Variants in PCSK6 observed in about 807,000 individuals in gnomAD.
The protein encoded by PCSK6 is paired basic amino acid cleaving enzyme 4.
In PCSK6, 85 loss-of-function variants were observed where a neutral mutation model predicts 123.3. That is an observed-to-expected ratio of 0.69 (90% confidence interval 0.58 to 0.83). The LOEUF (loss-of-function observed/expected upper bound fraction) is 0.83. Among genes scored for constraint, PCSK6 ranks in the 40% least tolerant of loss-of-function variants. The pLI is 0.00. For synonymous variants in PCSK6, 508 were observed against 516.0 expected, an observed-to-expected ratio of 0.98 and a Z score of 0.21; for missense variants, 1,191 against 1,282.3, an observed-to-expected ratio of 0.93 and a Z score of 1.09.
At chr15:101,338,906 T>C (rs1366736699) in intron 13 of PCSK6, among the ~76,000 whole-genome samples, 1 of 152,232 alleles carries the variant, frequency 6.6e-6, no homozygotes, top group African/African-American at 2.4e-5. Flanking sequence ...CAACTGAGGC[T>C]GCCAGTAAAT....
chr15:101,476,607 C>T (rs1448386544), intron 1 of PCSK6, among the ~76,000 whole-genome samples: 5 of 150,008 alleles, frequency 3.3e-5, no homozygotes, highest in Non-Finnish European at 5.9e-5. Flanking sequence ...TGTATATGCG[C>T]ACGTATCTGT....
intron 6 of PCSK6, among the ~76,000 whole-genome samples, chr15:101,411,806 T>A (rs1355430464): frequency 6.6e-6 from 1 of 152,166 alleles, no homozygotes; most frequent in Non-Finnish European, 1.5e-5. Flanking sequence ...CTGGGGCATG[T>A]CAGGAAACAG....
Position 101,319,187 on chromosome 15 carries a change from C to T in PCSK6, c.2466-765G>A, listed in dbSNP as rs548951086. The stretch of plus-strand genomic sequence containing the variant: ...GCTTGGAGGACTCAATGAGCTAATA[C>T]CCATAAACATTTCAGTGTCTGGCAC... On this transcript the variant is annotated intron_variant, in intron 18 of 21. Transcript: ENST00000611716. Among the ~76,000 whole-genome samples, 23 of 152,318 alleles carry T rather than the reference C, an allele frequency of 1.5e-4. 1 individual carries two copies. The South Asian group carries it at 3.7e-3, about 25-fold the overall frequency.
At chr15:101,439,348 GCTGT>G (rs1427758080) in intron 2 of PCSK6, among the ~76,000 whole-genome samples, 1 of 152,248 alleles carries the variant, frequency 6.6e-6, no homozygotes, top group Non-Finnish European at 1.5e-5. Context: ...AGAATAAAAT[GCTGT>G]CTTTTAAGGT....
At chr15:101,317,204 G>A (rs377664384) in intron 19 of PCSK6, among the ~76,000 whole-genome samples, 75 of 152,264 alleles carry the variant, frequency 4.9e-4, no homozygotes, top group Non-Finnish European at 9.3e-4. Flanking sequence ...GAACCACTGT[G>A]CCCGGCCAGT....
chr15:101,400,074 A>G (rs2042541207), intron 6 of PCSK6, among the ~76,000 whole-genome samples: 1 of 152,086 alleles, frequency 6.6e-6, no homozygotes, highest in Non-Finnish European at 1.5e-5. Flanking sequence ...CCCAGGCTGG[A>G]ATGCAGTGAC....
At chr15:101,395,470 T>C (rs148384872) in intron 7 of PCSK6, among the ~76,000 whole-genome samples, 4 of 152,358 alleles carry the variant, frequency 2.6e-5, no homozygotes, top group South Asian at 4.1e-4. Context: ...CCCATCCTCA[T>C]AGGCATCAAG....
At chr15:101,418,002 AGAG>A (rs1316401653) in intron 6 of PCSK6, among the ~76,000 whole-genome samples, 4 of 152,190 alleles carry the variant, frequency 2.6e-5, no homozygotes, top group Non-Finnish European at 5.9e-5. Flanking sequence ...CAAGGAAAAA[AGAG>A]GAGATGTCAC....
At chr15:101,378,663 A>G (rs2041820821) in intron 11 of PCSK6, among the ~76,000 whole-genome samples, 1 of 152,144 alleles carries the variant, frequency 6.6e-6, no homozygotes, top group South Asian at 2.1e-4. Context: ...ATTCTCACCC[A>G]GGCCCAGCCC....
chr15:101,411,912 C>G (rs1483236997), intron 6 of PCSK6, among the ~76,000 whole-genome samples: 2 of 152,218 alleles, frequency 1.3e-5, no homozygotes, highest in African/African-American at 4.8e-5. Flanking sequence ...GTCTTCCAAC[C>G]ACACCCAGCA....
At chr15:101,382,728 G>C (rs920926220) in intron 10 of PCSK6, among the ~76,000 whole-genome samples, 3 of 152,060 alleles carry the variant, frequency 2.0e-5, no homozygotes, top group Non-Finnish European at 4.4e-5. Context: ...ACAGGCTTGC[G>C]AACTGGCCCG....
intron 13 of PCSK6, chr15:101,347,295 T>G: frequency 8.1e-7 from 1 of 1,232,852 alleles, no homozygotes. Flanking sequence ...TCAAAAGAGA[T>G]GTCAATAAAA....
chr15:101,383,439 A>C (rs1257993979), intron 10 of PCSK6, among the ~76,000 whole-genome samples: 1 of 149,272 alleles, frequency 6.7e-6, no homozygotes, highest in Non-Finnish European at 1.5e-5. Flanking sequence ...AAAAGAAGTC[A>C]GGCAAACAAA....
chr15:101,372,170 A>G (rs1329404092), intron 11 of PCSK6, among the ~76,000 whole-genome samples: 1 of 152,078 alleles, frequency 6.6e-6, no homozygotes, highest in East Asian at 1.9e-4. Flanking sequence ...TCTGCAGCTG[A>G]AGAAACATGG....
chr15:101,389,568 G>A lies in PCSK6; in HGVS notation c.1210-4C>T. On this transcript the variant is annotated splice_region_variant and splice_polypyrimidine_tract_variant and intron_variant, in intron 8 of 21. Transcript: ENST00000611716. Reference sequence around the variant, plus strand: ...GCTGACGCAGATCCGTGGTGACCTGGGGGAGAGAGAAGCACAGTGAGGCAG... The same window carrying A: ...GCTGACGCAGATCCGTGGTGACCTGAGGGAGAGAGAAGCACAGTGAGGCAG... 6.2e-7 allele frequency: 1 copy of A among 1,607,968 alleles called. No individual in the cohort carries two copies. Among genetic ancestry groups the A allele is most frequent in the East Asian group, 2.2e-5 (1 of 44,722 alleles).
In PCSK6 at chr15:101,318,434, A is replaced by C. The variant is rs762457593; in HGVS notation, c.2466-12T>G. The stretch of plus-strand genomic sequence containing the variant: ...TGCCCCGTGCAAGGCTGTTGAAAAG[A>C]AAGAGGCAGATTTCCACATCCATTC... On this transcript the variant is annotated splice_polypyrimidine_tract_variant and intron_variant, in intron 18 of 21. Transcript: ENST00000611716. 9.0e-5 allele frequency: 139 copies of C among 1,548,504 alleles called. No individual in the cohort carries two copies. Among genetic ancestry groups the C allele is most frequent in the Non-Finnish European group, 1.2e-4 (135 of 1,143,864 alleles).
intron 21 of PCSK6, among the ~76,000 whole-genome samples, chr15:101,306,297 AAAG>A (rs1296586999): frequency 5.3e-5 from 8 of 152,256 alleles, no homozygotes; most frequent in Middle Eastern, 3.4e-3. Context: ...GTGACTTCCC[AAAG>A]AAGTAGTTTC....
chr15:101,329,355 C>T (rs984552509), intron 15 of PCSK6, among the ~76,000 whole-genome samples: 31 of 152,260 alleles, frequency 2.0e-4, no homozygotes, highest in African/African-American at 5.8e-4. Context: ...CCACCGTTCA[C>T]GCCATCCAAG....
At chr15:101,353,657 C>CA (rs1365161591) in intron 13 of PCSK6, among the ~76,000 whole-genome samples, 7 of 152,136 alleles carry the variant, frequency 4.6e-5, no homozygotes, top group East Asian at 1.9e-4. Context: ...ACACTTTAAA[C>CA]AAAAAAATCC....
Sources: gnomAD v4.1 joint callset for allele counts (sites outside exome capture counted in the v4.1 genomes callset) on GRCh38, gnomAD v4.1.1 for gene constraint, MANE v1.5 for transcripts, NCBI Gene and HGNC (gene_info 2026-07-23, HGNC 2026-07-21) for gene names.